The following EEF1AKMT2 variants were observed in gnomAD, a reference collection of about 807,000 sequenced individuals.
EEF1AKMT2 encodes EEF1A lysine methyltransferase 2.
EEF1AKMT2 carries 32 observed loss-of-function variants against 35.8 expected under a neutral mutation model. That is an observed-to-expected ratio of 0.89 (90% CI 0.67 to 1.20). The LOEUF is 1.20. EEF1AKMT2 is among the 50% of genes most tolerant of loss of function. The probability of loss-of-function intolerance (pLI) is 0.00; values close to 1 mark genes in which losing one functional copy is unlikely to be tolerated. For synonymous variants in EEF1AKMT2, 121 were observed against 133.7 expected, an observed-to-expected ratio of 0.91 and a Z score of 0.65; for missense variants, 330 against 347.5, an observed-to-expected ratio of 0.95 and a Z score of 0.40.
At chr10:124,768,653 G>C (rs1950401579) in intron 4 of EEF1AKMT2, among the ~76,000 whole-genome samples, 1 of 152,052 alleles carries the variant, frequency 6.6e-6, no homozygotes, top group Admixed American at 6.6e-5. Context: ...GGGAGGCTGA[G>C]GAATGAGAAT....
rs1022436834 is a variant in EEF1AKMT2, at chr10:124,759,447, A to G, written c.*1056T>C. The G allele has an allele frequency of 1.3e-5, 2 of 152,216 alleles. No homozygotes were observed. Among genetic ancestry groups the G allele is most frequent in the Non-Finnish European group, 2.9e-5 (2 of 68,036 alleles). The allele number at this position is 152,216 out of a possible 1,614,324, so 9.4% of individuals were successfully genotyped here. On this transcript the variant is annotated 3_prime_UTR_variant, in exon 7 of 7. Transcript: ENST00000368836. ...CTCCACAGATGAACACTAATAAAGT[A>G]ACTACCCATCTTTTCTAACTGAACT...
rs4962697 is a variant in EEF1AKMT2, at chr10:124,758,976, G to A, written c.*1527C>T. 6.6e-6 allele frequency: 1 copy of A among 151,844 alleles called. No individual in the cohort carries two copies. Among genetic ancestry groups the A allele is most frequent in the East Asian group, 1.9e-4 (1 of 5,200 alleles). The allele number at this position is 151,844 out of a possible 1,614,324, so 9.4% of individuals were successfully genotyped here. ...CTTGTCTTAATGGTTGATCAATGTT[G>A]ATCTAAATGAAAAACTCACTCCTCT... On this transcript the variant is annotated 3_prime_UTR_variant, in exon 7 of 7. Transcript: ENST00000368836.
chr10:124,779,747 C>CAAAAAAAA (rs34475748), intron 3 of EEF1AKMT2, among the ~76,000 whole-genome samples: 2 of 28,174 alleles, frequency 7.1e-5, no homozygotes, highest in African/African-American at 1.2e-4. Flanking sequence ...GACTCCATCT[C>CAAAAAAAA]AAAAAAAAAA....
intron 1 of EEF1AKMT2, 120 bp downstream of exon 1, chr10:124,791,604 C>T: frequency 2.8e-6 from 4 of 1,419,764 alleles, no homozygotes; most frequent in Middle Eastern, 2.2e-4. Context: ...TGGCCCTGCT[C>T]CCGTCACGCC....
chr10:124,774,578 T>C (rs1305043286), intron 4 of EEF1AKMT2, 97 bp downstream of exon 4: 4 of 584,522 alleles, frequency 6.8e-6, no homozygotes, highest in African/African-American at 5.9e-5. Context: ...TATTTATGAT[T>C]GATCCCTAAT....
rs1176392139 is a variant in EEF1AKMT2, at chr10:124,789,133, T to C, written c.201A>G (p.Arg67=). 48 of 1,613,106 alleles carry C rather than the reference T, an allele frequency of 3.0e-5. No homozygotes were observed. The highest frequency in any genetic ancestry group is 3.7e-5 in the Non-Finnish European group (44 of 1,179,516). The change falls in exon 3 of 7, where the codon CGA becomes CGG. Residue 67 remains arginine, a synonymous_variant. Transcript: ENST00000368836. Reference sequence around the variant, plus strand: ...TGTGTTTCTGCATCCACCTTATTAGTCGATTCATACTCTCTTCTCCAAACC... The same window carrying C: ...TGTGTTTCTGCATCCACCTTATTAGCCGATTCATACTCTCTTCTCCAAACC... ...EIWFGEESMN[R]LIRWMQKHKI...
intron 3 of EEF1AKMT2, among the ~76,000 whole-genome samples, chr10:124,780,052 G>A (rs570880186): frequency 2.3e-4 from 35 of 152,246 alleles, no homozygotes; most frequent in Non-Finnish European, 4.9e-4. Flanking sequence ...CAGCCTGGGC[G>A]ACAGAGCAAG....
In EEF1AKMT2 at chr10:124,762,471, C is replaced by T. The variant is rs1950340820; in HGVS notation, c.704G>A (p.Gly235Asp). Reference sequence around the variant, plus strand: ...ATGATGATGTGTGCCTGTAGTTCCACCTACTCGGGAGGCTGAAGTGGAAAA... The same window carrying T: ...ATGATGATGTGTGCCTGTAGTTCCATCTACTCGGGAGGCTGAAGTGGAAAA... ...AIFSTSASRVGGTTGTHHHAW... is the reference protein window; with the variant it reads ...AIFSTSASRVDGTTGTHHHAW... The change falls in exon 6 of 7, where the codon GGT becomes GAT. Residue 235 changes from glycine (G) to aspartate (D), a missense_variant. Transcript: ENST00000368836. 7.7e-7 allele frequency: 1 copy of T among 1,296,336 alleles called. No homozygotes were observed. The highest frequency in any genetic ancestry group is 1.0e-6 in the Non-Finnish European group (1 of 983,318). 80.3% of individuals were successfully genotyped at this position (1,296,336 alleles called of 1,614,324 possible).
At chr10:124,769,250 G>GTA in intron 4 of EEF1AKMT2, among the ~76,000 whole-genome samples, 1 of 39,688 alleles carries the variant, frequency 2.5e-5, no homozygotes, top group East Asian at 9.4e-4. Flanking sequence ...ATATATATAT[G>GTA]TGTGTATAAA....
intron 1 of EEF1AKMT2, among the ~76,000 whole-genome samples, chr10:124,791,409 G>C (rs1950633230): frequency 6.6e-6 from 1 of 151,580 alleles, no homozygotes; most frequent in African/African-American, 2.4e-5. Context: ...CGCCAGCCTC[G>C]CCCTCTCCCC....
chr10:124,768,769 A>G (rs1439531722), intron 4 of EEF1AKMT2, among the ~76,000 whole-genome samples: 2 of 151,686 alleles, frequency 1.3e-5, no homozygotes, highest in Non-Finnish European at 2.9e-5. Flanking sequence ...CAAAGAAAAA[A>G]TCACTCTGGC....
chr10:124,782,581 C>CAAAAA (rs34882125), intron 3 of EEF1AKMT2, among the ~76,000 whole-genome samples: 5 of 62,398 alleles, frequency 8.0e-5, no homozygotes, highest in Admixed American at 2.3e-4. Flanking sequence ...GACTCCGTCT[C>CAAAAA]AAAAAAAAAA....
At chr10:124,785,986 C>A (rs1033136940) in intron 3 of EEF1AKMT2, among the ~76,000 whole-genome samples, 1 of 150,422 alleles carries the variant, frequency 6.6e-6, no homozygotes, top group Non-Finnish European at 1.5e-5. Flanking sequence ...TAGAGAAATG[C>A]AAATTAAAAC....
At chr10:124,773,060 G>A (rs183186656) in intron 4 of EEF1AKMT2, among the ~76,000 whole-genome samples, 272 of 152,278 alleles carry the variant, frequency 1.8e-3, no homozygotes, top group African/African-American at 4.8e-3. Flanking sequence ...GGCCTATCGC[G>A]GTTTTCAACA....
chr10:124,780,172 T>C (rs1210152615), intron 3 of EEF1AKMT2, among the ~76,000 whole-genome samples: 2 of 152,224 alleles, frequency 1.3e-5, no homozygotes, highest in Admixed American at 1.3e-4. Flanking sequence ...TAAGCTGCCA[T>C]AGACAATATG....
chr10:124,772,050 G>A (rs555597337), intron 4 of EEF1AKMT2, among the ~76,000 whole-genome samples: 1 of 152,116 alleles, frequency 6.6e-6, no homozygotes, highest in Non-Finnish European at 1.5e-5. Flanking sequence ...AGGCTTTGTT[G>A]TTCCATTTAT....
rs1950312386 is a variant in EEF1AKMT2 at position 124,759,563 on chromosome 10, G to T, written c.*940C>A. On this transcript the variant is annotated 3_prime_UTR_variant, in exon 7 of 7. Coordinates refer to ENST00000368836, the MANE Select transcript of EEF1AKMT2 (RefSeq NM_212554.4). ...TGTGAGGCAGAATATGCTAGGAGAA[G>T]AGTATGTGTTTTAAAGTCAGACAGA... is the stretch of plus-strand genomic sequence containing the variant. The T allele has an allele frequency of 6.6e-6, 1 of 152,220 alleles. No individual in the cohort carries two copies. Among genetic ancestry groups the T allele is most frequent in the Non-Finnish European group, 1.5e-5 (1 of 68,046 alleles). 9.4% of individuals were successfully genotyped at this position (152,220 alleles called of 1,614,324 possible). A position where few individuals can be genotyped will look rare whatever the true frequency, so the allele number is the denominator to read the frequency against.
intron 3 of EEF1AKMT2, among the ~76,000 whole-genome samples, chr10:124,782,596 A>T (rs1267569352): frequency 6.6e-6 from 1 of 150,426 alleles, no homozygotes; most frequent in East Asian, 1.9e-4. Flanking sequence ...AAAAAAAAAA[A>T]AAAAAAAGAG....
chr10:124,773,889 A>G (rs1950462028), intron 4 of EEF1AKMT2, among the ~76,000 whole-genome samples: 1 of 152,178 alleles, frequency 6.6e-6, no homozygotes, highest in African/African-American at 2.4e-5. Flanking sequence ...CAAACCTTTG[A>G]TTTGTCAAAA....
Sources: gnomAD v4.1 joint callset for allele counts (sites outside exome capture counted in the v4.1 genomes callset) on GRCh38, gnomAD v4.1.1 for gene constraint, MANE v1.5 for transcripts, NCBI Gene and HGNC (gene_info 2026-07-23, HGNC 2026-07-21) for gene names.